CLIC4: variants seen among roughly 807,000 people sequenced by gnomAD.
CLIC4 encodes the protein chloride intracellular channel protein 4.
A neutral mutation model predicts 24.6 loss-of-function variants in CLIC4; 13 were observed. The ratio of observed to expected loss-of-function variants is 0.53; its 90% CI spans 0.34 to 0.84. The LOEUF is 0.84. CLIC4 is among the 40% of genes least tolerant of loss of function. The pLI is 0.01. For synonymous variants in CLIC4, 104 were observed against 111.3 expected (o/e 0.93, Z 0.41); for missense variants, 227 against 301.7 (o/e 0.75, Z 1.83).
At chr1:24,826,327 G>T (rs1040146440) in intron 3 of CLIC4, among the ~76,000 whole-genome samples, 9 of 152,152 alleles carry the variant, frequency 5.9e-5, no homozygotes, top group African/African-American at 2.2e-4. Context: ...TAGGTTTCAA[G>T]CGATTGATCC....
chr1:24,745,630 GCGCT>G lies in CLIC4; in HGVS notation c.72+9_72+12del. On this transcript the variant is annotated splice_donor_region_variant and intron_variant, in intron 1 of 5. Coordinates refer to ENST00000374379, the MANE Select transcript of CLIC4 (RefSeq NM_013943.3). ...CTCATCGAGCTCTTCGTCAAGGTGA[GCGCT>G]CGCCTCGCGGTCCCGCCCGGCAGAT... is the stretch of plus-strand genomic sequence containing the variant. The G allele has an allele frequency of 7.1e-6, 11 of 1,553,496 alleles. No homozygotes were observed. Among genetic ancestry groups the G allele is most frequent in the Non-Finnish European group, 9.5e-6 (11 of 1,153,056 alleles).
intron 1 of CLIC4, among the ~76,000 whole-genome samples, chr1:24,793,983 G>A (rs1639369425): frequency 6.6e-6 from 1 of 152,122 alleles, no homozygotes; most frequent in Non-Finnish European, 1.5e-5. Flanking sequence ...TTCCATGGAC[G>A]TCATAGTCAA....
intron 4 of CLIC4, among the ~76,000 whole-genome samples, chr1:24,839,168 G>A (rs1639914275): frequency 6.6e-6 from 1 of 152,088 alleles, no homozygotes; most frequent in Non-Finnish European, 1.5e-5. Flanking sequence ...TTAAAAATGA[G>A]GGCAAAAATC....
intron 4 of CLIC4, 39 bp downstream of exon 4, chr1:24,827,155 AC>A: frequency 8.0e-7 from 1 of 1,256,686 alleles, no homozygotes; most frequent in Non-Finnish European, 1.1e-6. Context: ...GCAACAAAAA[AC>A]CCCAAACAAC....
At chr1:24,787,266 G>A (rs1183903576) in intron 1 of CLIC4, among the ~76,000 whole-genome samples, 2 of 151,934 alleles carry the variant, frequency 1.3e-5, no homozygotes, top group Non-Finnish European at 2.9e-5. Flanking sequence ...AGGCTGAGGC[G>A]GGTGGATCAC....
rs748941779 is a variant in CLIC4, at chr1:24,797,820, G to A, written c.151G>A (p.Val51Ile). ...CATGATTCTTTGGCTCAAAGGAGTT[G>A]TATTTAGTGTGACGACTGTTGACCT... ...LFMILWLKGV[V>I]FSVTTVDLKR... The change falls in exon 2 of 6, where the codon GTA becomes ATA. Residue 51 changes from valine (V) to isoleucine (I), a missense_variant. Val to Ile is a conservative substitution (Grantham distance 29). Coordinates refer to ENST00000374379, the MANE Select transcript of CLIC4 (RefSeq NM_013943.3). The A allele has an allele frequency of 6.2e-7, 1 of 1,613,418 alleles. No individual in the cohort carries two copies. Among genetic ancestry groups the A allele is most frequent in the Non-Finnish European group, 8.5e-7 (1 of 1,179,810 alleles).
chr1:24,777,467 C>G (rs890994593), intron 1 of CLIC4, among the ~76,000 whole-genome samples: 1 of 152,086 alleles, frequency 6.6e-6, no homozygotes, highest in Non-Finnish European at 1.5e-5. Context: ...TCGCTTGAAC[C>G]TGGGAGGTGG....
chr1:24,825,904 C>T (rs1557813994), intron 3 of CLIC4, among the ~76,000 whole-genome samples: 3 of 152,108 alleles, frequency 2.0e-5, no homozygotes, highest in Admixed American at 2.0e-4. Flanking sequence ...TTTCTAAAGT[C>T]TTATTGCTCC....
At chr1:24,813,981 TGCTACGACTACAGAC>T (rs1010884750) in intron 2 of CLIC4, 98 bp from the exon 3 acceptor site, 10 of 1,236,292 alleles carry the variant, frequency 8.1e-6, no homozygotes, top group Non-Finnish European at 1.2e-5. Flanking sequence ...CCTCCTGTAG[TGCTACGACTACAGAC>T]GCAAGCCACC....
At chr1:24,746,241 A>AT (rs1418122327) in intron 1 of CLIC4, among the ~76,000 whole-genome samples, 1 of 152,176 alleles carries the variant, frequency 6.6e-6, no homozygotes, top group Non-Finnish European at 1.5e-5. Context: ...TGTCTTGGGC[A>AT]TTTACTGGCT....
At chr1:24,786,117 T>C (rs1385633996) in intron 1 of CLIC4, among the ~76,000 whole-genome samples, 1 of 152,184 alleles carries the variant, frequency 6.6e-6, no homozygotes, top group East Asian at 1.9e-4. Flanking sequence ...GAAAATAATT[T>C]AATGGTCAGG....
rs561425388 is a variant in CLIC4, at chr1:24,795,756, G to A, written c.73-1986G>A. ...GGCTAATTTTTGTATTTTTCGTAGA[G>A]ACGGAGTTTCACTATGTTGGTCAGG... is the stretch of plus-strand genomic sequence containing the variant. On this transcript the variant is annotated intron_variant, in intron 1 of 5. Transcript: ENST00000374379. Among the ~76,000 whole-genome samples the A allele has an allele frequency of 1.5e-3, 226 of 152,282 alleles. 7 individuals carry two copies. In the South Asian group the frequency reaches 0.045, roughly 30 times the overall value.
intron 3 of CLIC4, among the ~76,000 whole-genome samples, chr1:24,816,816 C>T (rs1270398826): frequency 6.6e-6 from 1 of 151,964 alleles, no homozygotes; most frequent in Non-Finnish European, 1.5e-5. Flanking sequence ...TCTTTTTTTC[C>T]TGGGCAGTGG....
chr1:24,766,447 T>C (rs547949538), intron 1 of CLIC4, among the ~76,000 whole-genome samples: 2 of 150,074 alleles, frequency 1.3e-5, no homozygotes, highest in Non-Finnish European at 3.0e-5. Flanking sequence ...TTTTTAGATA[T>C]CAGGTCTTGC....
chr1:24,808,232 C>T (rs1462380900), intron 2 of CLIC4, among the ~76,000 whole-genome samples: 1 of 152,126 alleles, frequency 6.6e-6, no homozygotes, highest in Non-Finnish European at 1.5e-5. Flanking sequence ...AGACATGAGC[C>T]ACTGTGCCCG....
intron 1 of CLIC4, among the ~76,000 whole-genome samples, chr1:24,789,781 C>T (rs1425384407): frequency 6.6e-6 from 1 of 151,216 alleles, no homozygotes; most frequent in Non-Finnish European, 1.5e-5. Flanking sequence ...TGACATACAT[C>T]TTCTATTTTT....
intron 1 of CLIC4, among the ~76,000 whole-genome samples, chr1:24,769,877 A>G (rs1639050798): frequency 6.7e-6 from 1 of 149,834 alleles, no homozygotes; most frequent in Admixed American, 6.6e-5. Flanking sequence ...TTTTTTTTTT[A>G]AGGCAGAGTT....
intron 1 of CLIC4, among the ~76,000 whole-genome samples, chr1:24,755,970 C>T (rs2124083122): frequency 6.7e-6 from 1 of 149,382 alleles, no homozygotes; most frequent in South Asian, 2.1e-4. Flanking sequence ...TACAGGCACG[C>T]ACCACCATGC....
At chr1:24,785,706 G>A (rs534772831) in intron 1 of CLIC4, among the ~76,000 whole-genome samples, 33 of 152,070 alleles carry the variant, frequency 2.2e-4, no homozygotes, top group Non-Finnish European at 4.4e-4. Context: ...ACAAAAATTA[G>A]CCAGACATGG....
Sources: allele counts gnomAD v4.1 joint callset (sites outside exome capture counted in the v4.1 genomes callset), GRCh38; gene constraint gnomAD v4.1.1; transcripts MANE v1.5; gene names NCBI Gene and HGNC (gene_info 2026-07-23, HGNC 2026-07-21).